OR3A2: variants seen among roughly 807,000 people sequenced by gnomAD.
The protein encoded by OR3A2 is olfactory receptor 3A2.
For missense variants in OR3A2, 318 were observed against 392.8 expected, an observed-to-expected ratio of 0.81 and a Z score of 1.61; for synonymous variants, 126 against 159.3, an observed-to-expected ratio of 0.79 and a Z score of 1.57.
chr17:3,278,146 C>T (rs1274106410), exon 2 of OR3A2: 2 of 1,614,120 alleles, frequency 1.2e-6, no homozygotes, highest in African/African-American at 1.3e-5. Context: ...TTGAAGATAC[C>T]TCTTCCAAAG....
At chr17:3,347,380 G>A (rs2049375167) in intron 2 of OR3A2, among the ~76,000 whole-genome samples, 1 of 152,094 alleles carries the variant, frequency 6.6e-6, no homozygotes, top group Non-Finnish European at 1.5e-5. Flanking sequence ...ATCTCCCAAT[G>A]CTATCCCTCC....
At chr17:3,351,039 T>C (rs2049415792) in intron 2 of OR3A2, among the ~76,000 whole-genome samples, 1 of 151,686 alleles carries the variant, frequency 6.6e-6, no homozygotes, top group African/African-American at 2.4e-5. Context: ...TATTTCAAAA[T>C]AATAAGAGCT....
Position 3,279,058 on chromosome 17 carries a change from T to A in OR3A2, c.-6-135A>T, listed in dbSNP as rs146377148. ...ATCCCTCACTCGTTGACCTCCTCCA[T>A]CACCTCAATGCCTTTACCTTGCTCT... is the stretch of plus-strand genomic sequence containing the variant. On this transcript the variant is annotated intron_variant, in intron 1 of 1. Transcript: ENST00000642052. 1.3e-3 allele frequency: 1,808 copies of A among 1,436,492 alleles called. 23 individuals are homozygous for A. The African/African-American group carries it at 0.023, about 18-fold the overall frequency. 89.0% of individuals were successfully genotyped at this position (1,436,492 alleles called of 1,614,324 possible).
At chr17:3,300,084 C>T (rs904014990) in intron 3 of OR3A2, among the ~76,000 whole-genome samples, 1 of 151,550 alleles carries the variant, frequency 6.6e-6, no homozygotes, top group Non-Finnish European at 1.5e-5. Context: ...AGCTGGACCT[C>T]AAGCCACAAA....
At chr17:3,283,120 T>TTTA (rs1203281126) in intron 1 of OR3A2, among the ~76,000 whole-genome samples, 9 of 152,236 alleles carry the variant, frequency 5.9e-5, no homozygotes, top group Non-Finnish European at 1.5e-5. Context: ...GAGTCACTTC[T>TTTA]TTATAGAGTC....
At chr17:3,335,496 G>A (rs7215878) in intron 3 of OR3A2, among the ~76,000 whole-genome samples, 23,003 of 151,934 alleles carry the variant, frequency 0.15, 2,323 homozygotes, top group African/African-American at 0.28. Context: ...CTGATTTGTG[G>A]TATTTAATTT....
intron 3 of OR3A2, among the ~76,000 whole-genome samples, chr17:3,300,487 A>G (rs1567547282): frequency 6.6e-6 from 1 of 152,174 alleles, no homozygotes; most frequent in Non-Finnish European, 1.5e-5. Flanking sequence ...TGAACCTGGG[A>G]GGCAGAGGTT....
At chr17:3,317,805 G>C (rs2049090310) in intron 3 of OR3A2, among the ~76,000 whole-genome samples, 1 of 152,000 alleles carries the variant, frequency 6.6e-6, no homozygotes, top group Non-Finnish European at 1.5e-5. Flanking sequence ...GCCAGAGTAG[G>C]AATTTATCTC....
At chr17:3,346,778 TGA>T (rs931750503) in intron 2 of OR3A2, among the ~76,000 whole-genome samples, 4 of 152,260 alleles carry the variant, frequency 2.6e-5, no homozygotes, top group African/African-American at 9.6e-5. Flanking sequence ...CACAAATAAG[TGA>T]GAACACATGA....
intron 2 of OR3A2, among the ~76,000 whole-genome samples, chr17:3,336,833 A>G (rs2049277702): frequency 6.6e-6 from 1 of 152,182 alleles, no homozygotes; most frequent in African/African-American, 2.4e-5. Context: ...AGCACACATG[A>G]TCACCATCAA....
chr17:3,281,222 C>T (rs1433301189), intron 1 of OR3A2, among the ~76,000 whole-genome samples: 1 of 150,850 alleles, frequency 6.6e-6, no homozygotes, highest in Non-Finnish European at 1.5e-5. Context: ...CAAGATAATA[C>T]CCAGGCATCA....
intron 2 of OR3A2, among the ~76,000 whole-genome samples, chr17:3,371,006 A>G (rs2049611500): frequency 6.6e-6 from 1 of 152,160 alleles, no homozygotes; most frequent in African/African-American, 2.4e-5. Context: ...AAAGTCTCCC[A>G]TGTCTACCTC....
chr17:3,302,544 G>C (rs2048973368), intron 3 of OR3A2, among the ~76,000 whole-genome samples: 1 of 152,146 alleles, frequency 6.6e-6, no homozygotes, highest in Non-Finnish European at 1.5e-5. Flanking sequence ...GCTGAAACTG[G>C]AGCAACAAAA....
Position 3,358,587 on chromosome 17 carries a change from T to A in OR3A2, c.-178-22461A>T, listed in dbSNP as rs230468. On this transcript the variant is annotated intron_variant, in intron 2 of 4. Coordinates refer to the OR3A2 transcript ENST00000573491. Reference sequence around the variant, plus strand: ...TTAATTTCCATGTAATTGCATGGTTTTGAGTGATTTTAATAATCTTGACTT... The same window carrying A: ...TTAATTTCCATGTAATTGCATGGTTATGAGTGATTTTAATAATCTTGACTT... Among the ~76,000 whole-genome samples, 384 of 151,880 alleles carry A rather than the reference T, an allele frequency of 2.5e-3. 14 individuals are homozygous for A. Among genetic ancestry groups the A allele is most frequent in the African/African-American group, 8.8e-3 (362 of 41,170 alleles).
chr17:3,294,521 T>G (rs1452730792), intron 3 of OR3A2, among the ~76,000 whole-genome samples: 1 of 152,160 alleles, frequency 6.6e-6, no homozygotes, highest in Non-Finnish European at 1.5e-5. Context: ...AACAATTATT[T>G]AAAACTCAAT....
intron 2 of OR3A2, among the ~76,000 whole-genome samples, chr17:3,376,302 G>A (rs1166260588): frequency 6.6e-6 from 1 of 152,172 alleles, no homozygotes; most frequent in Non-Finnish European, 1.5e-5. Flanking sequence ...CCCTACATTG[G>A]CCAGGATAAA....
At chr17:3,343,631 G>T (rs2049339034) in intron 2 of OR3A2, among the ~76,000 whole-genome samples, 1 of 152,174 alleles carries the variant, frequency 6.6e-6, no homozygotes. Context: ...CACAAATTCA[G>T]TAATTCAGTA....
In OR3A2 at chr17:3,362,700, C is replaced by G. The variant is rs2049528689; in HGVS notation, c.-179+21104G>C. 1.3e-5 allele frequency among the ~76,000 whole-genome samples: 2 copies of G among 151,608 alleles called. 1 individual carries two copies. The highest frequency in any genetic ancestry group is 4.9e-5 in the African/African-American group (2 of 41,050). On this transcript the variant is annotated intron_variant, in intron 2 of 4. Coordinates refer to the OR3A2 transcript ENST00000573491. ...ACCCAGTAGTCATTCAGGAGCAGATCCAACCCCACATTTCCCCTCAGCACT... is the reference window on the plus strand; with the variant it reads ...ACCCAGTAGTCATTCAGGAGCAGATGCAACCCCACATTTCCCCTCAGCACT...
At chr17:3,384,750 T>G (rs1437208113) in intron 1 of OR3A2, among the ~76,000 whole-genome samples, 2 of 152,144 alleles carry the variant, frequency 1.3e-5, no homozygotes, top group Non-Finnish European at 2.9e-5. Flanking sequence ...GTTTTGCAAA[T>G]AAAGTTTTAT....
Sources: gnomAD v4.1 joint callset for allele counts (sites outside exome capture counted in the v4.1 genomes callset) on GRCh38, gnomAD v4.1.1 for gene constraint, MANE v1.5 for transcripts, NCBI Gene and HGNC (gene_info 2026-07-23, HGNC 2026-07-21) for gene names.